Variants in MYRFL observed in about 807,000 individuals in gnomAD.
MYRFL encodes myelin regulatory factor-like protein.
A neutral mutation model predicts 109.4 loss-of-function variants in MYRFL; 88 were observed. The observed-to-expected ratio is 0.80, with a 90% CI of 0.68 to 0.96. The LOEUF is 0.96. Among genes scored for constraint, MYRFL ranks in the 40% least tolerant of loss-of-function variants. The probability of loss-of-function intolerance (pLI) is 0.00; values close to 1 mark genes in which losing one functional copy is unlikely to be tolerated. For synonymous variants in MYRFL, 324 were observed against 320.9 expected, an observed-to-expected ratio of 1.01 and a Z score of -0.10; for missense variants, 957 against 954.9, an observed-to-expected ratio of 1.00 and a Z score of -0.03.
In MYRFL at chr12:69,895,356, TG is replaced by T. The variant is rs1592776128; in HGVS notation, c.981-14del. 2.1e-5 allele frequency: 32 copies of T among 1,501,856 alleles called. No homozygotes were observed. In the Admixed American group the frequency reaches 3.0e-4, roughly 14 times the overall value. 93.0% of individuals were successfully genotyped at this position (1,501,856 alleles called of 1,614,324 possible). A position where few individuals can be genotyped will look rare whatever the true frequency, so the allele number is the denominator to read the frequency against. On this transcript the variant is annotated splice_polypyrimidine_tract_variant and intron_variant, in intron 8 of 24. Transcript: ENST00000552032. ...TTATAGTCTCTTGGTTTTTTTTTTTTGCTGTTTGTTTTAGAATTGACCTACT... is the reference window on the plus strand; with the variant it reads ...TTATAGTCTCTTGGTTTTTTTTTTTTCTGTTTGTTTTAGAATTGACCTACT...
chr12:69,837,395 C>A (rs1477263696), intron 1 of MYRFL, among the ~76,000 whole-genome samples: 10 of 152,104 alleles, frequency 6.6e-5, no homozygotes. Context: ...CTTTGCCTAA[C>A]CCCCTGCTTG....
rs61927982 is a variant in MYRFL, at chr12:69,891,311, G to A, written c.903+145G>A. ...CACAAATCTGCAACTGGGTCAGCGTGTGACTATGACAACTCATCTTTGTTC... is the reference window on the plus strand; with the variant it reads ...CACAAATCTGCAACTGGGTCAGCGTATGACTATGACAACTCATCTTTGTTC... On this transcript the variant is annotated intron_variant, in intron 7 of 24. Transcript: ENST00000552032. 2.5e-3 allele frequency: 1,516 copies of A among 607,382 alleles called. 3 individuals are homozygous for A. Among genetic ancestry groups the A allele is most frequent in the Admixed American group, 5.0e-3 (133 of 26,842 alleles). The allele number at this position is 607,382 out of a possible 1,614,324, so 37.6% of individuals were successfully genotyped here.
At chr12:69,828,522 A>G (rs574713519) in intron 1 of MYRFL, among the ~76,000 whole-genome samples, 153 of 152,214 alleles carry the variant, frequency 1.0e-3, no homozygotes, top group African/African-American at 3.5e-3. Flanking sequence ...TTAGAAATCT[A>G]TATGCTTTAA....
At chr12:69,927,106 G>A (rs1420194680) in intron 14 of MYRFL, among the ~76,000 whole-genome samples, 3 of 151,568 alleles carry the variant, frequency 2.0e-5, no homozygotes, top group Admixed American at 6.6e-5. Context: ...CACCATGCCC[G>A]GCTAATTTTT....
chr12:69,953,744 G>A lies in MYRFL; in HGVS notation c.2375+858G>A, dbSNP rs1219528498. 4.0e-5 allele frequency among the ~76,000 whole-genome samples: 6 copies of A among 149,348 alleles called. No homozygotes were observed. The East Asian group carries it at 9.9e-4, about 25-fold the overall frequency. The stretch of plus-strand genomic sequence containing the variant: ...TGTTTGCACCACTGTACTCCAGCCT[G>A]GATGACAAAGTGCAACCCGGACACA... On this transcript the variant is annotated intron_variant, in intron 21 of 24. Coordinates refer to ENST00000552032, the MANE Select transcript of MYRFL (RefSeq NM_182530.3).
chr12:69,907,682 T>C (rs535299845), intron 11 of MYRFL, among the ~76,000 whole-genome samples: 1 of 152,320 alleles, frequency 6.6e-6, no homozygotes, highest in Non-Finnish European at 1.5e-5. Context: ...TCCTTCTTTT[T>C]TCCATCAAAA....
chr12:69,948,058 A>G (rs139387394), intron 19 of MYRFL, among the ~76,000 whole-genome samples: 5 of 152,318 alleles, frequency 3.3e-5, no homozygotes, highest in African/African-American at 1.2e-4. Context: ...GATGTACTAT[A>G]TGAAGCTTAT....
chr12:69,879,569 G>A lies in MYRFL; in HGVS notation c.464+116G>A, dbSNP rs1885929945. 2.7e-5 allele frequency: 16 copies of A among 600,356 alleles called. No homozygotes were observed. In the East Asian group the frequency reaches 4.4e-4, roughly 17 times the overall value. 37.2% of individuals were successfully genotyped at this position (600,356 alleles called of 1,614,324 possible). A position where few individuals can be genotyped will look rare whatever the true frequency, so the allele number is the denominator to read the frequency against. On this transcript the variant is annotated intron_variant, in intron 4 of 24. Transcript: ENST00000552032. ...GGAGTCCTGTCCAGGAGATGGCAGTGTTGAGACGCGTATAGGACATCGCGA... is the reference window on the plus strand; with the variant it reads ...GGAGTCCTGTCCAGGAGATGGCAGTATTGAGACGCGTATAGGACATCGCGA...
chr12:69,875,710 TTGCATG>T (rs1885620035), intron 2 of MYRFL, among the ~76,000 whole-genome samples: 1 of 152,172 alleles, frequency 6.6e-6, no homozygotes, highest in Non-Finnish European at 1.5e-5. Context: ...GGGATCTAGA[TTGCATG>T]TGCCTTATGA....
intron 1 of MYRFL, among the ~76,000 whole-genome samples, chr12:69,828,008 A>G (rs1230028329): frequency 6.6e-6 from 1 of 152,112 alleles, no homozygotes; most frequent in African/African-American, 2.4e-5. Context: ...TATAATTTGA[A>G]TATATAATGT....
intron 11 of MYRFL, among the ~76,000 whole-genome samples, chr12:69,907,285 A>G (rs1393447549): frequency 6.6e-6 from 1 of 152,246 alleles, no homozygotes; most frequent in Non-Finnish European, 1.5e-5. Flanking sequence ...AAATCTGTCT[A>G]GAGGATGATA....
At chr12:69,873,368 G>A (rs946522498) in intron 2 of MYRFL, among the ~76,000 whole-genome samples, 1 of 152,252 alleles carries the variant, frequency 6.6e-6, no homozygotes, top group Non-Finnish European at 1.5e-5. Context: ...CAAGCTTGCA[G>A]TAGATTCTAG....
At chr12:69,891,603 T>TTCTTTCTTTCTTTCTC (rs762303793) in intron 7 of MYRFL, among the ~76,000 whole-genome samples, 3 of 52,690 alleles carry the variant, frequency 5.7e-5, no homozygotes, top group African/African-American at 2.2e-4. Flanking sequence ...CTTTCTTTCT[T>TTCTTTCTTTCTTTCTC]TCTCTTTCTT....
In MYRFL at chr12:69,958,699, A is replaced by T; in HGVS notation, c.*168A>T. ...CAACAGTTTTGAGACATTAATGAGG[A>T]GAATAAAATGTTTGCTGAAACTTGA... is the stretch of plus-strand genomic sequence containing the variant. On this transcript the variant is annotated 3_prime_UTR_variant, in exon 25 of 25. Transcript: ENST00000552032. 1.8e-6 allele frequency: 1 copy of T among 560,822 alleles called. No individual in the cohort carries two copies. The highest frequency in any genetic ancestry group is 3.1e-6 in the Non-Finnish European group (1 of 323,224). 34.7% of individuals were successfully genotyped at this position (560,822 alleles called of 1,614,324 possible). A position where few individuals can be genotyped will look rare whatever the true frequency, so the allele number is the denominator to read the frequency against.
chr12:69,881,533 T>C (rs920006846), intron 5 of MYRFL, among the ~76,000 whole-genome samples: 1 of 152,180 alleles, frequency 6.6e-6, no homozygotes, highest in African/African-American at 2.4e-5. Flanking sequence ...GACAGCCCCA[T>C]GGTAAGAGCT....
chr12:69,933,873 GGTC>G (rs35576863), intron 16 of MYRFL, among the ~76,000 whole-genome samples: 113,996 of 151,640 alleles, frequency 0.75, 43,232 homozygotes, highest in Middle Eastern at 0.88. Context: ...ATGCTTATTA[GGTC>G]GTCTTATTTT....
At position 69,958,141 on chromosome 12, in the gene MYRFL, C is replaced by A. The variant is rs970537848; in HGVS notation, c.2572-108C>A. On this transcript the variant is annotated intron_variant, in intron 23 of 24. Coordinates refer to ENST00000552032, the MANE Select transcript of MYRFL (RefSeq NM_182530.3). ...GCAACACCCATCAAAAGCTGTGATC[C>A]CAATACTTCTCCTACAGTCATTGAG... 6.6e-6 allele frequency: 8 copies of A among 1,204,104 alleles called. No individual in the cohort carries two copies. The Admixed American group carries it at 1.9e-4, about 28-fold the overall frequency. The allele number at this position is 1,204,104 out of a possible 1,614,324, so 74.6% of individuals were successfully genotyped here.
chr12:69,909,642 G>T (rs1336271138), intron 11 of MYRFL, among the ~76,000 whole-genome samples: 6 of 152,190 alleles, frequency 3.9e-5, no homozygotes, highest in Non-Finnish European at 8.8e-5. Flanking sequence ...TTTAGGGAAA[G>T]TTCACTGTAC....
chr12:69,947,711 G>T lies in MYRFL; in HGVS notation c.2225-4402G>T, dbSNP rs1320204731. Among the ~76,000 whole-genome samples, 6 of 152,168 alleles carry T rather than the reference G, an allele frequency of 3.9e-5. No individual in the cohort carries two copies. In the East Asian group the frequency reaches 1.2e-3, roughly 29 times the overall value. ...ATGCTCATTTTGTTTTGGAGACCAT[G>T]ACTCTGAGAAAAGTGAATGGCCAGA... On this transcript the variant is annotated intron_variant, in intron 19 of 24. Transcript: ENST00000552032.
Sources: gnomAD v4.1 joint callset for allele counts (sites outside exome capture counted in the v4.1 genomes callset) on GRCh38, gnomAD v4.1.1 for gene constraint, MANE v1.5 for transcripts, NCBI Gene and HGNC (gene_info 2026-07-23, HGNC 2026-07-21) for gene names.